PCDH15: variants seen among roughly 807,000 people sequenced by gnomAD.
PCDH15 encodes protocadherin-15.
In PCDH15, 129 loss-of-function variants were observed where a neutral mutation model predicts 178.5. The ratio of observed to expected loss-of-function variants is 0.72; its 90% CI spans 0.63 to 0.84. The LOEUF (loss-of-function observed/expected upper bound fraction) is 0.84, where lower values mean the gene tolerates loss of function less well. Among genes scored for constraint, PCDH15 ranks in the 40% least tolerant of loss-of-function variants. PCDH15 has a pLI of 0.00. For missense variants in PCDH15, 2,230 were observed against 2,099.9 expected, an observed-to-expected ratio of 1.06 and a Z score of -1.21; for synonymous variants, 800 against 732.0, an observed-to-expected ratio of 1.09 and a Z score of -1.50.
intron 5 of PCDH15, among the ~76,000 whole-genome samples, chr10:54,359,599 CTA>C (rs1189451611): frequency 1.3e-5 from 2 of 151,860 alleles, no homozygotes; most frequent in African/African-American, 4.8e-5. Flanking sequence ...AGCTTTACTT[CTA>C]TTACATTTAA....
At chr10:55,193,815 A>G (rs1840007261) in intron 1 of PCDH15, among the ~76,000 whole-genome samples, 1 of 151,884 alleles carries the variant, frequency 6.6e-6, no homozygotes, top group Admixed American at 6.6e-5. Context: ...TCTTTCAATT[A>G]TATTATATAT....
At chr10:55,351,929 C>T (rs537520981) in intron 2 of PCDH15, among the ~76,000 whole-genome samples, 2 of 152,074 alleles carry the variant, frequency 1.3e-5, no homozygotes, top group African/African-American at 4.8e-5. Context: ...ATTACAAGTA[C>T]AATAATACTA....
chr10:54,609,401 T>C (rs947738354), intron 2 of PCDH15, among the ~76,000 whole-genome samples: 3 of 152,104 alleles, frequency 2.0e-5, no homozygotes, highest in Admixed American at 2.0e-4. Flanking sequence ...GCATTTGTAG[T>C]ATACTGCTCC....
At chr10:53,890,608 A>G (rs1417786283) in intron 26 of PCDH15, among the ~76,000 whole-genome samples, 1 of 152,154 alleles carries the variant, frequency 6.6e-6, no homozygotes, top group Non-Finnish European at 1.5e-5. Context: ...AAATGAGTAA[A>G]ATGAAACATT....
intron 3 of PCDH15, among the ~76,000 whole-genome samples, chr10:54,522,802 A>G (rs955016446): frequency 1.8e-4 from 27 of 152,212 alleles, no homozygotes; most frequent in African/African-American, 6.5e-4. Flanking sequence ...TGTGTTCAAG[A>G]TTGTTTGTAA....
chr10:55,217,123 G>A (rs987954794), intron 1 of PCDH15, among the ~76,000 whole-genome samples: 1 of 151,838 alleles, frequency 6.6e-6, no homozygotes, highest in African/African-American at 2.4e-5. Context: ...TCAGCTGAAT[G>A]AACATTGGTA....
chr10:55,255,414 T>C (rs370739699), intron 1 of PCDH15, among the ~76,000 whole-genome samples: 4 of 152,308 alleles, frequency 2.6e-5, no homozygotes, highest in East Asian at 1.9e-4. Context: ...AATAAACATA[T>C]GTGTGCATGT....
At chr10:55,346,018 A>C (rs2131960697) in intron 2 of PCDH15, among the ~76,000 whole-genome samples, 1 of 152,216 alleles carries the variant, frequency 6.6e-6, no homozygotes, top group East Asian at 1.9e-4. Context: ...TTTCAAAAAA[A>C]ACTCTAACAA....
intron 2 of PCDH15, among the ~76,000 whole-genome samples, chr10:55,594,332 G>A (rs1174085149): frequency 2.0e-5 from 3 of 151,758 alleles, no homozygotes; most frequent in Admixed American, 6.6e-5. Flanking sequence ...GTTGTTTGAT[G>A]CAAATAAATA....
At chr10:55,249,641 T>C (rs955100548) in intron 1 of PCDH15, among the ~76,000 whole-genome samples, 1 of 152,168 alleles carries the variant, frequency 6.6e-6, no homozygotes, top group African/African-American at 2.4e-5. Flanking sequence ...CTAATTGTTG[T>C]ATTAGTAAGG....
At chr10:53,928,477 C>T (rs1025299780) in intron 25 of PCDH15, among the ~76,000 whole-genome samples, 1 of 152,042 alleles carries the variant, frequency 6.6e-6, no homozygotes, top group Non-Finnish European at 1.5e-5. Flanking sequence ...CCAATGCCTA[C>T]AACCATAATC....
At chr10:54,210,316 C>G (rs796079786) in intron 10 of PCDH15, among the ~76,000 whole-genome samples, 4 of 152,034 alleles carry the variant, frequency 2.6e-5, no homozygotes, top group African/African-American at 9.6e-5. Context: ...ATTCAGCAGT[C>G]TGAAAAGATT....
intron 5 of PCDH15, among the ~76,000 whole-genome samples, chr10:54,354,092 TCTC>T (rs201026899): frequency 0.018 from 2,710 of 152,258 alleles, 86 homozygotes; most frequent in African/African-American, 0.062. Context: ...TTCAAGCAAT[TCTC>T]CTGCCTCAGC....
intron 23 of PCDH15, among the ~76,000 whole-genome samples, chr10:53,952,978 G>A (rs914001775): frequency 3.9e-5 from 6 of 152,364 alleles, no homozygotes; most frequent in African/African-American, 1.4e-4. Flanking sequence ...GCATGCAGCA[G>A]GAGGGGGGCC....
At chr10:54,310,225 T>C (rs956532582) in intron 8 of PCDH15, among the ~76,000 whole-genome samples, 5 of 152,070 alleles carry the variant, frequency 3.3e-5, no homozygotes, top group Middle Eastern at 3.2e-3. Context: ...TGGTGTATGA[T>C]GGAAAACACT....
At chr10:54,845,720 G>T (rs918111721) in intron 3 of PCDH15, among the ~76,000 whole-genome samples, 41 of 152,052 alleles carry the variant, frequency 2.7e-4, no homozygotes, top group African/African-American at 9.7e-4. Flanking sequence ...ATAGCAAAGT[G>T]TAATACGAAT....
chr10:54,413,162 A>G (rs534734252), intron 3 of PCDH15, among the ~76,000 whole-genome samples: 2 of 127,704 alleles, frequency 1.6e-5, no homozygotes, highest in African/African-American at 5.6e-5. Context: ...TGGTCTGTAT[A>G]CAATATAGCA....
At chr10:54,863,169 G>T (rs756914676) in intron 3 of PCDH15, among the ~76,000 whole-genome samples, 4 of 152,014 alleles carry the variant, frequency 2.6e-5, no homozygotes, top group Non-Finnish European at 5.9e-5. Context: ...TTAATTTTAC[G>T]ATGGTAGCAT....
chr10:54,738,810 G>A (rs1944431553), intron 1 of PCDH15, among the ~76,000 whole-genome samples: 1 of 151,864 alleles, frequency 6.6e-6, no homozygotes, highest in Non-Finnish European at 1.5e-5. Flanking sequence ...ATGCTGAAAA[G>A]GCATTCCATA....
Sources: gnomAD v4.1 joint callset for allele counts (sites outside exome capture counted in the v4.1 genomes callset) on GRCh38, gnomAD v4.1.1 for gene constraint, MANE v1.5 for transcripts, NCBI Gene and HGNC (gene_info 2026-07-23, HGNC 2026-07-21) for gene names.